TRIM16: variants seen among roughly 807,000 people sequenced by gnomAD.
TRIM16 encodes the protein tripartite motif containing 16.
In TRIM16, 33 loss-of-function variants were observed where a neutral mutation model predicts 50.4. That is an observed-to-expected ratio of 0.65 (90% CI 0.50 to 0.88). The LOEUF is 0.88. Among genes scored for constraint, TRIM16 ranks in the 40% least tolerant of loss-of-function variants. The pLI, the probability that TRIM16 is intolerant of heterozygous loss-of-function variation, is 0.00. For missense variants in TRIM16, 581 were observed against 686.8 expected (o/e 0.85, Z 1.72); for synonymous variants, 229 against 270.7 (o/e 0.85, Z 1.51).
intron 6 of TRIM16, among the ~76,000 whole-genome samples, chr17:15,661,053 A>G (rs1043098630): frequency 6.6e-6 from 1 of 152,174 alleles, no homozygotes; most frequent in Non-Finnish European, 1.5e-5. Flanking sequence ...GAGGGCTCCC[A>G]ATATGGTCAG....
chr17:15,659,615 C>T (rs916071578), intron 6 of TRIM16, among the ~76,000 whole-genome samples: 3 of 152,214 alleles, frequency 2.0e-5, no homozygotes, highest in Admixed American at 6.5e-5. Context: ...ACTCTAGTTA[C>T]CTTTATGGCT....
At position 15,666,161 on chromosome 17, in the gene TRIM16, C is replaced by G. The variant is rs552256577; in HGVS notation, c.-338+11015G>C. On this transcript the variant is annotated intron_variant, in intron 6 of 11. Coordinates refer to ENST00000649191, the MANE Select transcript of TRIM16 (RefSeq NM_001348119.1). The stretch of plus-strand genomic sequence containing the variant: ...CTCGCCTGGATTATGGCAATAGGCT[C>G]CACACTAGAATTCCTACATCTACTC... 3.9e-5 allele frequency among the ~76,000 whole-genome samples: 6 copies of G among 152,288 alleles called. No homozygotes were observed. The South Asian group carries it at 6.2e-4, about 16-fold the overall frequency.
intron 9 of TRIM16, among the ~76,000 whole-genome samples, chr17:15,633,859 A>G (rs115700844): frequency 0.018 from 2,682 of 151,030 alleles, 23 homozygotes; most frequent in African/African-American, 0.062. Context: ...GTTATCATAC[A>G]CTAGAATTTA....
At chr17:15,655,981 G>A (rs562119823) in intron 6 of TRIM16, among the ~76,000 whole-genome samples, 11 of 152,122 alleles carry the variant, frequency 7.2e-5, no homozygotes, top group African/African-American at 1.2e-4. Context: ...ATTATGTTGC[G>A]GTGGGGTCTA....
At chr17:15,671,094 C>T (rs1988712359) in intron 6 of TRIM16, among the ~76,000 whole-genome samples, 1 of 152,272 alleles carries the variant, frequency 6.6e-6, no homozygotes, top group South Asian at 2.1e-4. Context: ...ATACAGTCAA[C>T]TTTGGCAAAC....
At chr17:15,652,965 T>C (rs144373519) in intron 6 of TRIM16, among the ~76,000 whole-genome samples, 1 of 152,120 alleles carries the variant, frequency 6.6e-6, no homozygotes, top group South Asian at 2.1e-4. Flanking sequence ...GACATGGTGT[T>C]ATAGTTGAGA....
In TRIM16 at chr17:15,661,541, G is replaced by A. The variant is rs568674749; in HGVS notation, c.-337-9595C>T. 2.6e-5 allele frequency among the ~76,000 whole-genome samples: 4 copies of A among 152,276 alleles called. No homozygotes were observed. The South Asian group carries it at 8.3e-4, about 32-fold the overall frequency. On this transcript the variant is annotated intron_variant, in intron 6 of 11. Coordinates refer to ENST00000649191, the MANE Select transcript of TRIM16 (RefSeq NM_001348119.1). ...CTCAGTGTTTCTTGGAGTCCCTGGG[G>A]CACTGTCTTCCACTGGGCACCTTCT...
intron 4 of TRIM16, among the ~76,000 whole-genome samples, chr17:15,680,242 C>G (rs1050623240): frequency 1.3e-5 from 2 of 151,550 alleles, no homozygotes; most frequent in Non-Finnish European, 2.9e-5. Flanking sequence ...TGAATAAAAC[C>G]TTCCTAAATC....
chr17:15,636,970 A>G (rs1340825329), intron 8 of TRIM16, among the ~76,000 whole-genome samples: 1 of 149,688 alleles, frequency 6.7e-6, no homozygotes, highest in Non-Finnish European at 1.5e-5. Flanking sequence ...AATCAATATC[A>G]TGTTTACAAC....
chr17:15,676,596 C>T (rs982421397), intron 6 of TRIM16, among the ~76,000 whole-genome samples: 4 of 151,258 alleles, frequency 2.6e-5, no homozygotes, highest in African/African-American at 9.7e-5. Flanking sequence ...CCACCACGCC[C>T]GGCTAATTTT....
chr17:15,662,491 G>A (rs903672449), intron 6 of TRIM16, among the ~76,000 whole-genome samples: 2 of 152,130 alleles, frequency 1.3e-5, no homozygotes, highest in Non-Finnish European at 2.9e-5. Flanking sequence ...ATTCTATTTT[G>A]AATCTCCTGG....
rs751117063 is a variant in TRIM16, at chr17:15,651,559, AGCAGTGGCCCTGG to A, written c.38_50del (p.Pro13LeufsTer71). 79 of 1,614,004 alleles carry A rather than the reference AGCAGTGGCCCTGG, an allele frequency of 4.9e-5. No homozygotes were observed. Among genetic ancestry groups the A allele is most frequent in the South Asian group, 1.4e-4 (13 of 91,068 alleles). On this transcript the variant is annotated frameshift_variant, in exon 7 of 12. Transcript: ENST00000649191. LOFTEE classifies it high-confidence loss of function. ...CTGGGCTGAGAGGGGCTGGGGGCTG[AGCAGTGGCCCTGG>A]GCAGTGGCCCTGGAGCCATTAGATC...
At chr17:15,649,518 C>T (rs1987581604) in intron 7 of TRIM16, among the ~76,000 whole-genome samples, 1 of 152,080 alleles carries the variant, frequency 6.6e-6, no homozygotes, top group Non-Finnish European at 1.5e-5. Flanking sequence ...GATCTCCTGC[C>T]CTCATGATCT....
At chr17:15,632,731 T>C in intron 9 of TRIM16, 57 bp from the exon 10 acceptor site, 1 of 1,486,342 alleles carries the variant, frequency 6.7e-7, no homozygotes, top group Non-Finnish European at 9.0e-7. Flanking sequence ...AAACTCGGGC[T>C]TCTCTCCTCA....
At chr17:15,671,498 C>T (rs1470558618) in intron 6 of TRIM16, among the ~76,000 whole-genome samples, 1 of 151,224 alleles carries the variant, frequency 6.6e-6, no homozygotes, top group Admixed American at 6.6e-5. Flanking sequence ...CTGTATTTTG[C>T]ATAGATGACT....
At chr17:15,680,049 T>C (rs1989121360) in intron 4 of TRIM16, among the ~76,000 whole-genome samples, 1 of 152,180 alleles carries the variant, frequency 6.6e-6, no homozygotes, top group Admixed American at 6.5e-5. Context: ...CTCTGTGATT[T>C]CAATGTACTG....
At chr17:15,630,371 T>G (rs1373008212) in intron 11 of TRIM16, among the ~76,000 whole-genome samples, 3 of 152,180 alleles carry the variant, frequency 2.0e-5, no homozygotes, top group African/African-American at 4.8e-5. Flanking sequence ...TGTAATAATA[T>G]ATATTCATGT....
chr17:15,670,273 CA>C (rs777769403), intron 6 of TRIM16, among the ~76,000 whole-genome samples: 3 of 152,210 alleles, frequency 2.0e-5, no homozygotes, highest in Non-Finnish European at 4.4e-5. Context: ...CACATGTATC[CA>C]GACTCTATTC....
Position 15,661,331 on chromosome 17 carries a change from G to C in TRIM16, c.-337-9385C>G, listed in dbSNP as rs1028132735. On this transcript the variant is annotated intron_variant, in intron 6 of 11. Coordinates refer to ENST00000649191, the MANE Select transcript of TRIM16 (RefSeq NM_001348119.1). ...CACAGCAGGATTTGAGGAGGTGAAG[G>C]CTCCTTCCAGCGAGTTCTCTTAAGC... Among the ~76,000 whole-genome samples the C allele has an allele frequency of 6.6e-5, 10 of 152,276 alleles. No individual in the cohort carries two copies. The South Asian group carries it at 2.1e-3, about 32-fold the overall frequency.
Sources: gnomAD v4.1 joint callset for allele counts (sites outside exome capture counted in the v4.1 genomes callset) on GRCh38, gnomAD v4.1.1 for gene constraint, MANE v1.5 for transcripts, NCBI Gene and HGNC (gene_info 2026-07-23, HGNC 2026-07-21) for gene names.